Variants in PCGF5 observed in about 807,000 individuals in gnomAD.
PCGF5 encodes the protein polycomb group RING finger protein 5.
Under a neutral mutation model 44.3 loss-of-function variants are expected in PCGF5, and 9 were observed. That is an observed-to-expected ratio of 0.20 (90% CI 0.12 to 0.35). The LOEUF (loss-of-function observed/expected upper bound fraction) is 0.35, where lower values mean the gene tolerates loss of function less well. Ranked by LOEUF, PCGF5 falls within the 10% of genes least tolerant of loss-of-function variation. The probability of loss-of-function intolerance (pLI) is 1.00; values close to 1 mark genes in which losing one functional copy is unlikely to be tolerated. For synonymous variants in PCGF5, 95 were observed against 102.5 expected (o/e 0.93, Z 0.44); for missense variants, 146 against 305.3 (o/e 0.48, Z 3.89).
intron 1 of PCGF5, among the ~76,000 whole-genome samples, chr10:91,173,099 TG>T (rs1402287351): frequency 6.6e-6 from 1 of 152,236 alleles, no homozygotes; most frequent in Non-Finnish European, 1.5e-5. Flanking sequence ...GTATTCAATG[TG>T]AAAACTCTTT....
At chr10:91,232,026 G>GA (rs1183504077) in intron 2 of PCGF5, among the ~76,000 whole-genome samples, 1 of 152,322 alleles carries the variant, frequency 6.6e-6, no homozygotes, top group African/African-American at 2.4e-5. Flanking sequence ...TTTAAACAAT[G>GA]AAAGTTTGAA....
upstream of PCGF5, among the ~76,000 whole-genome samples, chr10:91,160,377 T>C (rs1298389729): frequency 6.6e-6 from 1 of 152,254 alleles, no homozygotes; most frequent in Non-Finnish European, 1.5e-5. Flanking sequence ...AGCAGTGTTG[T>C]TGGTGACGGG....
intron 8 of PCGF5, among the ~76,000 whole-genome samples, chr10:91,269,445 T>C (rs1846124100): frequency 6.6e-6 from 1 of 152,216 alleles, no homozygotes. Flanking sequence ...CAGTAAACTT[T>C]GAAACAATTT....
chr10:91,212,479 A>G (rs1294541942), intron 1 of PCGF5, among the ~76,000 whole-genome samples: 1 of 152,256 alleles, frequency 6.6e-6, no homozygotes, highest in Non-Finnish European at 1.5e-5. Flanking sequence ...GTTAGAGGAA[A>G]TGAATTATTT....
At chr10:91,224,238 A>G (rs1589378130) in intron 2 of PCGF5, among the ~76,000 whole-genome samples, 1 of 152,170 alleles carries the variant, frequency 6.6e-6, no homozygotes, top group East Asian at 1.9e-4. Flanking sequence ...TCCCCAAGTG[A>G]TGCTGATGTA....
At chr10:91,200,293 C>A (rs1225514574) in intron 1 of PCGF5, among the ~76,000 whole-genome samples, 1 of 152,196 alleles carries the variant, frequency 6.6e-6, no homozygotes, top group East Asian at 1.9e-4. Context: ...GAAACTGAAC[C>A]AGAACTCTGG....
intron 1 of PCGF5, among the ~76,000 whole-genome samples, chr10:91,199,251 T>A (rs1376511930): frequency 6.6e-6 from 1 of 152,194 alleles, no homozygotes; most frequent in Non-Finnish European, 1.5e-5. Flanking sequence ...GGAAGCTGAC[T>A]CCCAGGTGTA....
In PCGF5 at chr10:91,278,303, T is replaced by C. The variant is rs1489707168; in HGVS notation, c.758T>C (p.Ile253Thr). The C allele has an allele frequency of 6.2e-7, 1 of 1,612,052 alleles. No individual in the cohort carries two copies. ...YPMVLQYRPR[I>T]DFG ...ATGGTACTGCAGTATCGACCAAGAATTGATTTCGGTTAGACCAAGGGGCCC... is the reference window on the plus strand; with the variant it reads ...ATGGTACTGCAGTATCGACCAAGAACTGATTTCGGTTAGACCAAGGGGCCC... The change falls in exon 10 of 10, where the codon ATT becomes ACT. Residue 253 changes from isoleucine to threonine, a missense_variant. Coordinates refer to ENST00000336126, the MANE Select transcript of PCGF5 (RefSeq NM_032373.5).
chr10:91,212,788 A>G (rs1464983115), intron 1 of PCGF5, among the ~76,000 whole-genome samples: 1 of 152,182 alleles, frequency 6.6e-6, no homozygotes, highest in Non-Finnish European at 1.5e-5. Flanking sequence ...TTTAATCTTA[A>G]GATTTTTTTC....
intron 6 of PCGF5, among the ~76,000 whole-genome samples, chr10:91,259,243 A>G (rs1357743697): frequency 1.3e-5 from 2 of 152,142 alleles, no homozygotes; most frequent in Admixed American, 6.6e-5. Flanking sequence ...GGCACAGCCT[A>G]TCAGACACTA....
chr10:91,193,382 T>C (rs1344182642), intron 1 of PCGF5, among the ~76,000 whole-genome samples: 1 of 152,080 alleles, frequency 6.6e-6, no homozygotes. Context: ...GGGTATTGTT[T>C]TTAAGCTACT....
At chr10:91,167,113 A>G (rs1386819607) in intron 1 of PCGF5, among the ~76,000 whole-genome samples, 1 of 152,160 alleles carries the variant, frequency 6.6e-6, no homozygotes, top group Non-Finnish European at 1.5e-5. Context: ...AACAAAAACT[A>G]CAAAAATGGT....
intron 9 of PCGF5, among the ~76,000 whole-genome samples, chr10:91,271,920 T>C (rs7909865): frequency 0.039 from 5,912 of 152,300 alleles, 374 homozygotes; most frequent in African/African-American, 0.13. Context: ...GTTAAGGCTA[T>C]TACTTATGAA....
chr10:91,253,980 G>A (rs1845684281), intron 6 of PCGF5, among the ~76,000 whole-genome samples: 1 of 152,002 alleles, frequency 6.6e-6, no homozygotes, highest in South Asian at 2.1e-4. Context: ...GCCAGATTTG[G>A]CCTGAGGACA....
intron 1 of PCGF5, among the ~76,000 whole-genome samples, chr10:91,193,474 G>A (rs187965668): frequency 6.6e-6 from 1 of 152,162 alleles, no homozygotes; most frequent in Admixed American, 6.5e-5. Context: ...AGTGGAGTAA[G>A]AATGTGTTCT....
chr10:91,204,737 CTCTCTTCT>C (rs1419845876), intron 1 of PCGF5, among the ~76,000 whole-genome samples: 2 of 152,194 alleles, frequency 1.3e-5, no homozygotes, highest in African/African-American at 4.8e-5. Context: ...CCCTTTTTCT[CTCTCTTCT>C]TCAGATTTCT....
intron 1 of PCGF5, among the ~76,000 whole-genome samples, chr10:91,173,016 C>T (rs543230270): frequency 2.0e-5 from 3 of 152,274 alleles, no homozygotes; most frequent in Admixed American, 6.5e-5. Context: ...TGTGATCTTA[C>T]TAATCAATAA....
upstream of PCGF5, among the ~76,000 whole-genome samples, chr10:91,216,932 A>G (rs1040492379): frequency 6.6e-5 from 10 of 152,236 alleles, no homozygotes; most frequent in African/African-American, 2.4e-4. Flanking sequence ...TAATCTCTAT[A>G]GGAAGACCTT....
At chr10:91,258,566 G>A (rs530394727) in intron 6 of PCGF5, among the ~76,000 whole-genome samples, 1 of 152,186 alleles carries the variant, frequency 6.6e-6, no homozygotes, top group East Asian at 1.9e-4. Flanking sequence ...TGACTTAACT[G>A]GGGCTTGTAA....
Sources: gnomAD v4.1 joint callset for allele counts (sites outside exome capture counted in the v4.1 genomes callset) on GRCh38, gnomAD v4.1.1 for gene constraint, MANE v1.5 for transcripts, NCBI Gene and HGNC (gene_info 2026-07-23, HGNC 2026-07-21) for gene names.